SNTG2: variants seen among roughly 807,000 people sequenced by gnomAD.
SNTG2 encodes syntrophin gamma 2.
SNTG2 carries 74 observed loss-of-function variants against 70.9 expected under a neutral mutation model. The observed-to-expected ratio is 1.04, with a 90% CI of 0.86 to 1.27. The LOEUF is 1.27. SNTG2 is among the 50% of genes most tolerant of loss of function. The pLI, the probability that SNTG2 is intolerant of heterozygous loss-of-function variation, is 0.00. For missense variants in SNTG2, 717 were observed against 690.7 expected, an observed-to-expected ratio of 1.04 and a Z score of -0.43; for synonymous variants, 278 against 273.8, an observed-to-expected ratio of 1.02 and a Z score of -0.15.
intron 4 of SNTG2, among the ~76,000 whole-genome samples, chr2:1,126,641 T>C (rs563193757): frequency 2.0e-5 from 3 of 152,310 alleles, no homozygotes; most frequent in Admixed American, 6.5e-5. Context: ...CATTTGTCAT[T>C]TTTTGGTCTA....
chr2:1,002,733 G>A (rs1659435612), intron 1 of SNTG2, among the ~76,000 whole-genome samples: 1 of 148,952 alleles, frequency 6.7e-6, no homozygotes. Flanking sequence ...ATTCAATCCA[G>A]CAATCCCATA....
chr2:986,897 C>G (rs1382695201), intron 1 of SNTG2, among the ~76,000 whole-genome samples: 2 of 152,180 alleles, frequency 1.3e-5, no homozygotes, highest in African/African-American at 4.8e-5. Flanking sequence ...ATAGAATATT[C>G]TCAATAGCTT....
chr2:1,316,453 C>A (rs1681283399), intron 16 of SNTG2, 78 bp downstream of exon 16: 2 of 584,616 alleles, frequency 3.4e-6, no homozygotes, highest in Admixed American at 3.4e-5. Context: ...TGGTAAAAAT[C>A]TCCACCCCTC....
At chr2:1,208,909 G>A (rs747321816) in intron 8 of SNTG2, among the ~76,000 whole-genome samples, 194 bp from the exon 9 acceptor site, 3 of 152,100 alleles carry the variant, frequency 2.0e-5, no homozygotes, top group African/African-American at 4.8e-5. Context: ...GGAAAACAGC[G>A]GGAGAAAATG....
chr2:1,087,216 A>G (rs939741537), intron 2 of SNTG2, among the ~76,000 whole-genome samples: 2 of 152,134 alleles, frequency 1.3e-5, no homozygotes, highest in African/African-American at 4.8e-5. Flanking sequence ...GGTGATGCGC[A>G]CCTGCTGTTG....
intron 1 of SNTG2, among the ~76,000 whole-genome samples, chr2:1,059,589 CG>C (rs746167929): frequency 2.8e-4 from 43 of 152,028 alleles, no homozygotes; most frequent in Non-Finnish European, 5.1e-4. Flanking sequence ...CATCTAAATA[CG>C]TTTTTTTATT....
intron 14 of SNTG2, among the ~76,000 whole-genome samples, chr2:1,269,991 C>T (rs1472744034): frequency 6.6e-6 from 1 of 152,144 alleles, no homozygotes; most frequent in Non-Finnish European, 1.5e-5. Context: ...CCATGACTGA[C>T]TTGCCGGATC....
At chr2:1,322,261 T>C (rs1229211522) in intron 16 of SNTG2, among the ~76,000 whole-genome samples, 1 of 152,214 alleles carries the variant, frequency 6.6e-6, no homozygotes, top group Non-Finnish European at 1.5e-5. Flanking sequence ...AAAACTTCAC[T>C]TGCAGCAGGG....
chr2:1,313,634 C>A (rs543936521), intron 15 of SNTG2, among the ~76,000 whole-genome samples: 2 of 152,306 alleles, frequency 1.3e-5, no homozygotes, highest in South Asian at 4.1e-4. Flanking sequence ...AAGAGAAAAT[C>A]TGTGAAACAG....
At chr2:1,095,051 G>C (rs1665298257) in intron 2 of SNTG2, among the ~76,000 whole-genome samples, 1 of 152,212 alleles carries the variant, frequency 6.6e-6, no homozygotes, top group African/African-American at 2.4e-5. Context: ...GAGACAGCGA[G>C]GTGGGGGTGG....
intron 9 of SNTG2, among the ~76,000 whole-genome samples, chr2:1,218,392 C>A (rs1318673895): frequency 6.6e-6 from 1 of 152,166 alleles, no homozygotes; most frequent in Non-Finnish European, 1.5e-5. Flanking sequence ...TAGAACTCTG[C>A]CTGCTCTAGT....
At chr2:1,071,958 A>AG (rs1210057496) in intron 1 of SNTG2, among the ~76,000 whole-genome samples, 3 of 152,172 alleles carry the variant, frequency 2.0e-5, no homozygotes, top group Non-Finnish European at 4.4e-5. Flanking sequence ...AGGTCTAGAG[A>AG]GGGGAGGAAG....
At chr2:1,231,057 G>A (rs60702500) in intron 9 of SNTG2, among the ~76,000 whole-genome samples, 7 of 138,694 alleles carry the variant, frequency 5.0e-5, no homozygotes, top group African/African-American at 1.8e-4. Flanking sequence ...TCACTGCGAG[G>A]GTGAAATAGA....
intron 4 of SNTG2, among the ~76,000 whole-genome samples, chr2:1,105,919 T>C (rs1666094952): frequency 6.6e-6 from 1 of 152,234 alleles, no homozygotes; most frequent in Non-Finnish European, 1.5e-5. Flanking sequence ...GATGCACACC[T>C]GGTGGCCCCT....
intron 12 of SNTG2, among the ~76,000 whole-genome samples, chr2:1,249,235 G>GGAGACCTATT (rs1452272591): frequency 6.6e-6 from 1 of 152,138 alleles, no homozygotes; most frequent in Non-Finnish European, 1.5e-5. Context: ...GTTTTATCAT[G>GGAGACCTATT]GAGACCTATT....
chr2:980,859 C>T (rs1661074675), intron 1 of SNTG2, among the ~76,000 whole-genome samples: 1 of 152,194 alleles, frequency 6.6e-6, no homozygotes, highest in Non-Finnish European at 1.5e-5. Flanking sequence ...TTTTCCCCAT[C>T]CATGCTGTCA....
chr2:1,325,181 T>C (rs1681709165), intron 16 of SNTG2, among the ~76,000 whole-genome samples: 1 of 152,170 alleles, frequency 6.6e-6, no homozygotes, highest in African/African-American at 2.4e-5. Flanking sequence ...TCCAGTCAAG[T>C]CCTATTACAA....
chr2:998,985 C>T (rs913116748), intron 1 of SNTG2, among the ~76,000 whole-genome samples: 2 of 152,108 alleles, frequency 1.3e-5, no homozygotes, highest in Non-Finnish European at 2.9e-5. Context: ...GACTAGGGTT[C>T]TACTTTCAGG....
At chr2:1,226,162 G>T (rs969216515) in intron 9 of SNTG2, among the ~76,000 whole-genome samples, 4 of 152,116 alleles carry the variant, frequency 2.6e-5, no homozygotes, top group Non-Finnish European at 2.9e-5. Context: ...GATTCCATGG[G>T]CTTTGAGATA....
Sources: gnomAD v4.1 joint callset for allele counts (sites outside exome capture counted in the v4.1 genomes callset) on GRCh38, gnomAD v4.1.1 for gene constraint, MANE v1.5 for transcripts, NCBI Gene and HGNC (gene_info 2026-07-23, HGNC 2026-07-21) for gene names.